NR2F1-AS1: variants seen among roughly 807,000 people sequenced by gnomAD.
NR2F1-AS1 encodes NR2F1 antisense RNA 1.
intron 4 of NR2F1-AS1, among the ~76,000 whole-genome samples, chr5:93,505,662 G>T (rs1272652315): frequency 6.6e-6 from 1 of 152,234 alleles, no homozygotes; most frequent in Non-Finnish European, 1.5e-5. Context: ...ACCCTCTGAA[G>T]CCACAGCCCA....
intron 4 of NR2F1-AS1, among the ~76,000 whole-genome samples, chr5:93,466,104 G>A (rs1260491497): frequency 6.6e-6 from 1 of 151,970 alleles, no homozygotes; most frequent in Non-Finnish European, 1.5e-5. Context: ...ACTAGCTAGA[G>A]GAAGCTAGGA....
chr5:93,521,628 A>C (rs1269888809), intron 4 of NR2F1-AS1, among the ~76,000 whole-genome samples: 3 of 152,198 alleles, frequency 2.0e-5, no homozygotes, highest in African/African-American at 2.4e-5. Context: ...AAGATCACTG[A>C]TCATTAGAGA....
Position 93,436,719 on chromosome 5 carries a change from T to C in NR2F1-AS1, n.639-41177A>G, listed in dbSNP as rs1749439944. On this transcript the variant is annotated intron_variant and non_coding_transcript_variant, in intron 4 of 5. Transcript: ENST00000660523. ...GTAAATAAGTTCACAAATGTGAACATTTGTTCACAAGCCACAAAATTATGA... is the reference window on the plus strand; with the variant it reads ...GTAAATAAGTTCACAAATGTGAACACTTGTTCACAAGCCACAAAATTATGA... Among the ~76,000 whole-genome samples the C allele has an allele frequency of 2.6e-5, 4 of 152,164 alleles. No homozygotes were observed. The South Asian group carries it at 8.3e-4, about 31-fold the overall frequency.
intron 4 of NR2F1-AS1, among the ~76,000 whole-genome samples, chr5:93,504,350 C>G (rs955999245): frequency 6.6e-6 from 1 of 151,976 alleles, no homozygotes; most frequent in Non-Finnish European, 1.5e-5. Context: ...TTCAAGATAT[C>G]AAAGAAATTA....
chr5:93,458,018 C>T (rs557298366), intron 4 of NR2F1-AS1, among the ~76,000 whole-genome samples: 3 of 152,170 alleles, frequency 2.0e-5, no homozygotes, highest in Non-Finnish European at 4.4e-5. Flanking sequence ...GACGCTTGAG[C>T]GTACCTTCAC....
chr5:93,581,908 GTCTCTC>G (rs368238145), upstream of NR2F1-AS1, among the ~76,000 whole-genome samples: 14 of 39,672 alleles, frequency 3.5e-4, 1 homozygote, highest in South Asian at 1.2e-3. Flanking sequence ...CTCTCTCTGG[GTCTCTC>G]TCTCTCTCTC....
intron 4 of NR2F1-AS1, among the ~76,000 whole-genome samples, chr5:93,465,854 T>C (rs975508343): frequency 2.7e-5 from 4 of 148,984 alleles, no homozygotes; most frequent in Non-Finnish European, 4.4e-5. Context: ...TGTTCTCACT[T>C]ATAGGTGGGA....
chr5:93,436,946 A>G (rs1400216840), intron 4 of NR2F1-AS1, among the ~76,000 whole-genome samples: 1 of 151,826 alleles, frequency 6.6e-6, no homozygotes, highest in Non-Finnish European at 1.5e-5. Flanking sequence ...TATTAGACAC[A>G]GTAATACCTA....
chr5:93,442,807 C>T (rs1456772706), intron 4 of NR2F1-AS1, among the ~76,000 whole-genome samples: 1 of 152,208 alleles, frequency 6.6e-6, no homozygotes, highest in Non-Finnish European at 1.5e-5. Context: ...GGCCGACTGA[C>T]ACCTCATACA....
chr5:93,570,722 T>C (rs1386441807), intron 1 of NR2F1-AS1: 1 of 152,238 alleles, frequency 6.6e-6, no homozygotes, highest in Admixed American at 6.5e-5. Context: ...GCCTCTAGCC[T>C]TCCGCCGACG....
intron 4 of NR2F1-AS1, among the ~76,000 whole-genome samples, chr5:93,454,112 G>GA (rs1363625191): frequency 6.6e-6 from 1 of 152,000 alleles, no homozygotes; most frequent in Non-Finnish European, 1.5e-5. Flanking sequence ...CATCCCTACT[G>GA]AAAATCAGTA....
Position 93,550,494 on chromosome 5 carries a change from T to C in NR2F1-AS1, n.638+3267A>G, listed in dbSNP as rs538869668. On this transcript the variant is annotated intron_variant and non_coding_transcript_variant, in intron 4 of 5. Coordinates refer to ENST00000660523, the Ensembl canonical transcript of NR2F1-AS1. ...AAATGTTTTAAAAATGCACAATTTC[T>C]CTATCACGCATTTTTTAAATAAGAA... Among the ~76,000 whole-genome samples, 21 of 152,354 alleles carry C rather than the reference T, an allele frequency of 1.4e-4. No homozygotes were observed. The East Asian group carries it at 4.0e-3, about 29-fold the overall frequency.
intron 4 of NR2F1-AS1, among the ~76,000 whole-genome samples, chr5:93,519,211 A>G (rs1271894521): frequency 1.3e-5 from 2 of 152,058 alleles, no homozygotes; most frequent in African/African-American, 4.8e-5. Context: ...TAAACCCTAG[A>G]AACACACTCA....
intron 4 of NR2F1-AS1, among the ~76,000 whole-genome samples, chr5:93,436,431 A>T (rs970874145): frequency 7.9e-5 from 12 of 152,186 alleles, no homozygotes; most frequent in African/African-American, 2.9e-4. Flanking sequence ...GAGTTTACCC[A>T]AAGCAAACTC....
At chr5:93,451,672 G>A (rs528621439) in intron 4 of NR2F1-AS1, among the ~76,000 whole-genome samples, 1 of 152,022 alleles carries the variant, frequency 6.6e-6, no homozygotes, top group Non-Finnish European at 1.5e-5. Context: ...CAAAGTACTC[G>A]GATTATAGAT....
At chr5:93,498,287 A>G (rs1171563873) in intron 4 of NR2F1-AS1, among the ~76,000 whole-genome samples, 6 of 152,172 alleles carry the variant, frequency 3.9e-5, no homozygotes, top group Non-Finnish European at 7.3e-5. Context: ...ACTTAGTCTA[A>G]AGAAAGATTT....
intron 4 of NR2F1-AS1, among the ~76,000 whole-genome samples, chr5:93,540,371 T>C (rs1469729094): frequency 1.3e-5 from 2 of 152,200 alleles, no homozygotes; most frequent in Non-Finnish European, 2.9e-5. Context: ...AAAAGATGTT[T>C]CTGGTTTCTG....
intron 4 of NR2F1-AS1, among the ~76,000 whole-genome samples, chr5:93,430,001 G>A (rs141962523): frequency 1.2e-4 from 19 of 152,288 alleles, no homozygotes; most frequent in Middle Eastern, 3.4e-3. Flanking sequence ...CTTATGCAGA[G>A]TTTAGTGCTT....
intron 4 of NR2F1-AS1, among the ~76,000 whole-genome samples, chr5:93,510,199 C>A (rs1430554143): frequency 2.0e-5 from 3 of 152,034 alleles, no homozygotes; most frequent in Non-Finnish European, 4.4e-5. Context: ...TTTCTAGTAC[C>A]AGTTTATATT....
Sources: gnomAD v4.1 joint callset for allele counts (sites outside exome capture counted in the v4.1 genomes callset) on GRCh38, gnomAD v4.1.1 for gene constraint, MANE v1.5 for transcripts, NCBI Gene and HGNC (gene_info 2026-07-23, HGNC 2026-07-21) for gene names.